DOK7: variants seen among roughly 807,000 people sequenced by gnomAD.
DOK7 encodes the protein docking protein 7, also known as protein Dok-7.
In DOK7, 32 loss-of-function variants were observed where a neutral mutation model predicts 30.7. That is an observed-to-expected ratio of 1.04 (90% CI 0.79 to 1.40). DOK7 has a LOEUF of 1.40. Among genes scored for constraint, DOK7 ranks in the 40% most tolerant of loss-of-function variants. The pLI is 0.00. For synonymous variants in DOK7, 447 were observed against 324.1 expected (o/e 1.38, Z -4.07); for missense variants, 1,007 against 699.2 (o/e 1.44, Z -4.97).
rs1215265480 is a variant in DOK7, at chr4:3,493,818, C to T, written c.*317C>T. On this transcript the variant is annotated 3_prime_UTR_variant, in exon 7 of 7. Transcript: ENST00000340083. Reference sequence around the variant, plus strand: ...AGTGCTGCACCTCTGTTGGCTCGTGCCTTGCACTGGGGTGCCAAGGGCTGG... The same window carrying T: ...AGTGCTGCACCTCTGTTGGCTCGTGTCTTGCACTGGGGTGCCAAGGGCTGG... 1 of 1,263,740 alleles carries T rather than the reference C, an allele frequency of 7.9e-7. No homozygotes were observed. The highest frequency in any genetic ancestry group is 1.0e-6 in the Non-Finnish European group (1 of 1,003,300). The allele number at this position is 1,263,740 out of a possible 1,614,324, so 78.3% of individuals were successfully genotyped here.
intron 2 of DOK7, 61 bp downstream of exon 2, chr4:3,463,612 G>C: frequency 6.6e-7 from 1 of 1,516,186 alleles, no homozygotes; most frequent in East Asian, 2.5e-5. Context: ...ACCGAGGCCC[G>C]GGGCAGTAAT....
chr4:3,493,421 G>A lies in DOK7; in HGVS notation c.1435G>A (p.Gly479Ser), dbSNP rs140519765. The A allele has an allele frequency of 6.0e-5, 96 of 1,600,592 alleles. No individual in the cohort carries two copies. The East Asian group carries it at 1.1e-3, about 19-fold the overall frequency. The change falls in exon 7 of 7, where the codon GGC (glycine) becomes AGC (serine). Residue 479 changes from glycine (G) to serine (S), a missense_variant. Gly to Ser is a moderately conservative substitution (Grantham distance 56). Transcript: ENST00000340083. ...CCCTGGCGAGCCCTGGGAAGCAGGC[G>A]GCCCCCACGCGGGGCCACCCCCGGC... is the stretch of plus-strand genomic sequence containing the variant. ...PAPGEPWEAG[G>S]PHAGPPPAFF...
At chr4:3,498,128 G>C (rs113401287), downstream of DOK7, among the ~76,000 whole-genome samples, 2 of 152,162 alleles carry the variant, frequency 1.3e-5, no homozygotes, top group Admixed American at 6.5e-5. Flanking sequence ...AGCCCAGGGC[G>C]GGGTCTGGGA....
At chr4:3,467,888 G>A (rs1308343213) in intron 2 of DOK7, among the ~76,000 whole-genome samples, 1 of 152,200 alleles carries the variant, frequency 6.6e-6, no homozygotes, top group Non-Finnish European at 1.5e-5. Flanking sequence ...ATATGGTGTA[G>A]GGGGAGGAAG....
At chr4:3,463,945 C>G (rs998069814) in intron 2 of DOK7, among the ~76,000 whole-genome samples, 2 of 152,184 alleles carry the variant, frequency 1.3e-5, no homozygotes, top group Non-Finnish European at 2.9e-5. Flanking sequence ...CGTGGGTTAG[C>G]GCTGACCCTG....
intron 2 of DOK7, among the ~76,000 whole-genome samples, chr4:3,468,517 TGA>T (rs1468197555): frequency 2.0e-4 from 21 of 106,884 alleles, no homozygotes; most frequent in African/African-American, 7.6e-4. Context: ...TGTGCGTGTA[TGA>T]GTGTGTGTGA....
At chr4:3,483,734 C>T (rs544126773) in intron 4 of DOK7, among the ~76,000 whole-genome samples, 47 of 152,202 alleles carry the variant, frequency 3.1e-4, no homozygotes, top group Non-Finnish European at 4.7e-4. Context: ...CCTGGCCTTT[C>T]GTGAGAGCTG....
intron 6 of DOK7, among the ~76,000 whole-genome samples, chr4:3,490,310 G>A (rs868265597): frequency 5.8e-4 from 25 of 42,926 alleles, no homozygotes; most frequent in Admixed American, 9.7e-4. Flanking sequence ...CCGCCCCCCC[G>A]GCTCATTCTT....
At position 3,489,659 on chromosome 4, in the gene DOK7, G is replaced by C. The variant is rs762076600; in HGVS notation, c.653-18G>C. 7.0e-6 allele frequency: 11 copies of C among 1,563,106 alleles called. No homozygotes were observed. The African/African-American group carries it at 1.4e-4, about 19-fold the overall frequency. Reference sequence around the variant, plus strand: ...CGGTGGTGGCCACCTCCTCCACCGAGTCTTCTCTCTGCCACAGACCCAAGT... The same window carrying C: ...CGGTGGTGGCCACCTCCTCCACCGACTCTTCTCTCTGCCACAGACCCAAGT... On this transcript the variant is annotated intron_variant, in intron 5 of 6. Coordinates refer to ENST00000340083, the MANE Select transcript of DOK7 (RefSeq NM_173660.5).
intron 2 of DOK7, among the ~76,000 whole-genome samples, chr4:3,465,032 C>T (rs980253476): frequency 7.2e-5 from 11 of 152,164 alleles, no homozygotes; most frequent in Non-Finnish European, 1.5e-4. Flanking sequence ...AGGTGCCATG[C>T]CCCCTCTGGG....
At chr4:3,491,119 C>T (rs1285440883) in intron 6 of DOK7, among the ~76,000 whole-genome samples, 2 of 120,748 alleles carry the variant, frequency 1.7e-5, no homozygotes, top group Non-Finnish European at 3.4e-5. Flanking sequence ...TCCCCCTGCT[C>T]GTTCATTCGT....
In DOK7 at chr4:3,493,788, A is replaced by G; in HGVS notation, c.*287A>G. ...TCCGTGTCCCCCACCCCTGAGGATC[A>G]GGTGAGTGCTGCACCTCTGTTGGCT... On this transcript the variant is annotated 3_prime_UTR_variant, in exon 7 of 7. Coordinates refer to ENST00000340083, the MANE Select transcript of DOK7 (RefSeq NM_173660.5). 1 of 1,364,086 alleles carries G rather than the reference A, an allele frequency of 7.3e-7. No homozygotes were observed. The highest frequency in any genetic ancestry group is 1.7e-5 in the South Asian group (1 of 59,770). 84.5% of individuals were successfully genotyped at this position (1,364,086 alleles called of 1,614,324 possible). A position where few individuals can be genotyped will look rare whatever the true frequency, so the allele number is the denominator to read the frequency against.
chr4:3,469,367 A>G (rs2109327791), intron 2 of DOK7, among the ~76,000 whole-genome samples: 1 of 151,582 alleles, frequency 6.6e-6, no homozygotes, highest in Admixed American at 6.6e-5. Context: ...GAACCCTCCA[A>G]GTTCTGCAAA....
intron 4 of DOK7, among the ~76,000 whole-genome samples, chr4:3,477,829 G>A (rs1290725186): frequency 5.3e-5 from 8 of 152,120 alleles, no homozygotes; most frequent in East Asian, 1.9e-4. Context: ...GAGCTGGTGC[G>A]GGGGGTGGGG....
In DOK7 at chr4:3,492,518, G is replaced by A. The variant is rs192727946; in HGVS notation, c.773-241G>A. On this transcript the variant is annotated intron_variant, in intron 6 of 6. Coordinates refer to ENST00000340083, the MANE Select transcript of DOK7 (RefSeq NM_173660.5). ...GGCAGGGGTGCTGAGAGGGAGGGGC[G>A]CAGGCCGTAGGAGAACAGGTGGCAG... Among the ~76,000 whole-genome samples, 66 of 152,236 alleles carry A rather than the reference G, an allele frequency of 4.3e-4. No individual in the cohort carries two copies. The Middle Eastern group carries it at 0.01, about 24-fold the overall frequency.
At chr4:3,489,503 G>A (rs1479188083) in intron 5 of DOK7, among the ~76,000 whole-genome samples, 174 bp from the exon 6 acceptor site, 1 of 152,156 alleles carries the variant, frequency 6.6e-6, no homozygotes, top group Non-Finnish European at 1.5e-5. Context: ...GGTGGTGTGG[G>A]TGTCTGCGTT....
chr4:3,497,522 G>A (rs1015804665), downstream of DOK7, among the ~76,000 whole-genome samples: 1 of 152,166 alleles, frequency 6.6e-6, no homozygotes, highest in African/African-American at 2.4e-5. Context: ...CTGAGAGGCT[G>A]GAGATGAGGA....
chr4:3,464,341 C>G (rs543140509), intron 2 of DOK7, among the ~76,000 whole-genome samples: 1 of 152,144 alleles, frequency 6.6e-6, no homozygotes, highest in African/African-American at 2.4e-5. Flanking sequence ...ATCCCTCCTG[C>G]GTCCCCTCTG....
At position 3,472,876 on chromosome 4, in the gene DOK7, C is replaced by T. The variant is rs6834161; in HGVS notation, c.101-530C>T. 7.1e-3 allele frequency among the ~76,000 whole-genome samples: 1,066 copies of T among 150,006 alleles called. 6 individuals are homozygous for T. The highest frequency in any genetic ancestry group is 0.026 in the African/African-American group (1,027 of 39,954). ...CAAGGCCCATCGACCTCCCCTACCC[C>T]CTGGGGCTGAAGCTCAGCCACAACC... On this transcript the variant is annotated intron_variant, in intron 2 of 6. Coordinates refer to ENST00000340083, the MANE Select transcript of DOK7 (RefSeq NM_173660.5).
Sources: gnomAD v4.1 joint callset for allele counts (sites outside exome capture counted in the v4.1 genomes callset) on GRCh38, gnomAD v4.1.1 for gene constraint, MANE v1.5 for transcripts, NCBI Gene and HGNC (gene_info 2026-07-23, HGNC 2026-07-21) for gene names.